Variants in GRIN2A observed in about 807,000 individuals in gnomAD.
GRIN2A encodes the protein glutamate ionotropic receptor NMDA type subunit 2A, also known as glutamate receptor ionotropic, NMDA 2A.
GRIN2A carries 22 observed loss-of-function variants against 113.4 expected under a neutral mutation model. The ratio of observed to expected loss-of-function variants is 0.19; its 90% CI spans 0.14 to 0.28. The LOEUF is 0.28. Ranked by LOEUF, GRIN2A falls within the 10% of genes least tolerant of loss-of-function variation. GRIN2A has a pLI of 1.00. For synonymous variants in GRIN2A, 827 were observed against 738.4 expected, an observed-to-expected ratio of 1.12 and a Z score of -1.94; for missense variants, 1,502 against 1,887.0, an observed-to-expected ratio of 0.80 and a Z score of 3.78.
At chr16:10,033,873 C>T (rs147948381) in intron 2 of GRIN2A, 310 of 152,708 alleles carry the variant, frequency 2.0e-3, no homozygotes, top group South Asian at 4.1e-3. Flanking sequence ...AGTTCCCCAG[C>T]TCCATCCCAG....
At chr16:9,785,921 G>T (rs1902205337) in intron 11 of GRIN2A, among the ~76,000 whole-genome samples, 1 of 152,192 alleles carries the variant, frequency 6.6e-6, no homozygotes, top group South Asian at 2.1e-4. Context: ...GAGTTTAAAA[G>T]CTGCTCAGTT....
chr16:10,117,119 A>G (rs1408058267), intron 2 of GRIN2A, among the ~76,000 whole-genome samples: 1 of 151,868 alleles, frequency 6.6e-6, no homozygotes, highest in African/African-American at 2.4e-5. Context: ...CAGGACCCAA[A>G]ATCTGTCATC....
chr16:10,124,346 T>C (rs535177855), intron 2 of GRIN2A, among the ~76,000 whole-genome samples: 2 of 152,300 alleles, frequency 1.3e-5, no homozygotes, highest in South Asian at 2.1e-4. Flanking sequence ...GGATCATGTA[T>C]GCAAAGTGCC....
At chr16:9,966,798 C>G (rs1040165539) in intron 2 of GRIN2A, among the ~76,000 whole-genome samples, 1 of 152,138 alleles carries the variant, frequency 6.6e-6, no homozygotes, top group Admixed American at 6.5e-5. Context: ...ACTGACAATC[C>G]CTGCCCCTCA....
At chr16:9,872,219 CT>C (rs752520455) in intron 4 of GRIN2A, among the ~76,000 whole-genome samples, 4 of 152,168 alleles carry the variant, frequency 2.6e-5, no homozygotes, top group Non-Finnish European at 5.9e-5. Flanking sequence ...TAGCGGGAGT[CT>C]CACAAATGTT....
Position 9,764,532 on chromosome 16 carries a change from G to A in GRIN2A, c.3012C>T (p.Ser1004=). 1 of 1,613,968 alleles carries A rather than the reference G, an allele frequency of 6.2e-7. No homozygotes were observed. The highest frequency in any genetic ancestry group is 1.1e-5 in the South Asian group (1 of 91,070). Reference sequence around the variant, plus strand: ...GCTGCCGGGGTCTAGAGTTCGCTTTGGATTCTGTGCTCACGGCCACCTCCA... The same window carrying A: ...GCTGCCGGGGTCTAGAGTTCGCTTTAGATTCTGTGCTCACGGCCACCTCCA... ...NTVEVAVSTE[S]KANSRPRQLW... is the part of the protein sequence containing the mutation. Residue 1004 remains serine, a synonymous_variant, in exon 13 of 13, where the codon TCC becomes TCT. Coordinates refer to ENST00000330684, the MANE Select transcript of GRIN2A (RefSeq NM_001134407.3).
At chr16:10,050,040 C>T (rs926630847) in intron 2 of GRIN2A, among the ~76,000 whole-genome samples, 2 of 152,152 alleles carry the variant, frequency 1.3e-5, no homozygotes, top group African/African-American at 4.8e-5. Context: ...ATACCAAGAA[C>T]CTGTGAATAT....
intron 11 of GRIN2A, among the ~76,000 whole-genome samples, chr16:9,770,776 T>A (rs564293088): frequency 1.4e-4 from 21 of 152,328 alleles, no homozygotes; most frequent in African/African-American, 5.1e-4. Context: ...TTTTAAAAAG[T>A]TAATAGATTT....
chr16:9,862,540 G>A (rs997256022), intron 4 of GRIN2A, among the ~76,000 whole-genome samples: 3 of 152,086 alleles, frequency 2.0e-5, no homozygotes, highest in East Asian at 1.9e-4. Flanking sequence ...ATTTAAAAGC[G>A]GAAAAATCTT....
intron 4 of GRIN2A, among the ~76,000 whole-genome samples, chr16:9,852,336 C>G (rs558208290): frequency 1.8e-3 from 279 of 152,306 alleles, no homozygotes; most frequent in African/African-American, 5.3e-3. Flanking sequence ...TCCTTGCAGA[C>G]ATGTTTCCTA....
chr16:9,862,945 G>A (rs1207842919), intron 4 of GRIN2A, among the ~76,000 whole-genome samples: 3 of 152,072 alleles, frequency 2.0e-5, no homozygotes, highest in South Asian at 2.1e-4. Context: ...ATTTATTGAG[G>A]TACTGTGATC....
intron 3 of GRIN2A, among the ~76,000 whole-genome samples, chr16:9,902,982 T>TGGGGGGGG (rs2043960899): frequency 1.4e-4 from 1 of 7,248 alleles, no homozygotes; most frequent in African/African-American, 5.4e-4. Context: ...GGGGGGTGGG[T>TGGGGGGGG]GGGGGTGACG....
At position 9,790,196 on chromosome 16, in the gene GRIN2A, T is replaced by G. The variant is rs1902521657; in HGVS notation, c.2356+8081A>C. On this transcript the variant is annotated intron_variant, in intron 11 of 12. Transcript: ENST00000330684. ...ATGCCTGGAGATACCCCAACTGTCC[T>G]CTACGACCATTACTTCTACTGCAGA... Among the ~76,000 whole-genome samples the G allele has an allele frequency of 2.0e-5, 3 of 152,206 alleles. No homozygotes were observed. The South Asian group carries it at 6.2e-4, about 32-fold the overall frequency.
At chr16:10,080,351 A>G (rs1473480142) in intron 2 of GRIN2A, among the ~76,000 whole-genome samples, 2 of 152,190 alleles carry the variant, frequency 1.3e-5, no homozygotes, top group South Asian at 2.1e-4. Context: ...TTTGCAAGCA[A>G]TGTGACTCTG....
At chr16:10,176,540 T>C (rs1373608788) in intron 2 of GRIN2A, among the ~76,000 whole-genome samples, 2 of 152,224 alleles carry the variant, frequency 1.3e-5, no homozygotes, top group East Asian at 3.9e-4. Flanking sequence ...TGAGTTCATG[T>C]CCTTTGTAGG....
intron 2 of GRIN2A, among the ~76,000 whole-genome samples, chr16:10,030,537 A>G (rs2046909445): frequency 6.6e-6 from 1 of 152,192 alleles, no homozygotes; most frequent in Non-Finnish European, 1.5e-5. Context: ...GAAAACCCAC[A>G]TATCCTGGAA....
intron 4 of GRIN2A, among the ~76,000 whole-genome samples, chr16:9,874,612 A>C (rs2043329679): frequency 6.6e-6 from 1 of 152,226 alleles, no homozygotes; most frequent in Non-Finnish European, 1.5e-5. Flanking sequence ...CTCTACCATA[A>C]GGTACTGTAG....
chr16:9,817,021 T>C (rs1307444125), intron 10 of GRIN2A, among the ~76,000 whole-genome samples: 2 of 152,208 alleles, frequency 1.3e-5, no homozygotes, highest in Non-Finnish European at 2.9e-5. Flanking sequence ...TTTTTCTCAC[T>C]GATTTGTCTG....
At position 9,764,527 on chromosome 16, in the gene GRIN2A, G is replaced by A. The variant is rs200526162; in HGVS notation, c.3017C>T (p.Ala1006Val). The A allele has an allele frequency of 1.8e-5, 29 of 1,613,976 alleles. No individual in the cohort carries two copies. Among genetic ancestry groups the A allele is most frequent in the East Asian group, 8.9e-5 (4 of 44,872 alleles). The change falls in exon 13 of 13, where the codon GCG becomes GTG. Residue 1006 changes from alanine to valine, a missense_variant. By Grantham distance (64) the Ala-to-Val change is moderately conservative. This residue lies in a region of GRIN2A where 832 missense variants were observed against 789.7 expected (regional missense o/e 1.05). Transcript: ENST00000330684. ...VEVAVSTESK[A>V]NSRPRQLWKK... Reference sequence around the variant, plus strand: ...CCACAGCTGCCGGGGTCTAGAGTTCGCTTTGGATTCTGTGCTCACGGCCAC... The same window carrying A: ...CCACAGCTGCCGGGGTCTAGAGTTCACTTTGGATTCTGTGCTCACGGCCAC...
Sources: allele counts gnomAD v4.1 joint callset (sites outside exome capture counted in the v4.1 genomes callset), GRCh38; gene constraint gnomAD v4.1.1; regional missense constraint gnomAD v4.1.1; transcripts MANE v1.5; gene names NCBI Gene and HGNC (gene_info 2026-07-23, HGNC 2026-07-21).